The following ZMYM2 variants were observed in gnomAD, a reference collection of about 807,000 sequenced individuals.
The protein encoded by ZMYM2 is zinc finger MYM-type containing 2, also known as zinc finger MYM-type protein 2.
A neutral mutation model predicts 162.8 loss-of-function variants in ZMYM2; 56 were observed. That is an observed-to-expected ratio of 0.34 (90% CI 0.28 to 0.43). The LOEUF (loss-of-function observed/expected upper bound fraction) is 0.43. Among genes scored for constraint, ZMYM2 ranks in the 20% least tolerant of loss-of-function variants. The pLI is 1.00. For synonymous variants in ZMYM2, 510 were observed against 541.6 expected (o/e 0.94, Z 0.81); for missense variants, 1,275 against 1,621.8 (o/e 0.79, Z 3.67).
At chr13:19,868,257 T>C in the ZMYM2 span, among the ~76,000 whole-genome samples, 1 of 152,212 alleles carries the variant, frequency 6.6e-6, no homozygotes, top group Non-Finnish European at 1.5e-5. Flanking sequence ...AAGGGATCAA[T>C]TATTTTACTA....
At chr13:20,059,643 C>G in intron 16 of ZMYM2, 81 bp downstream of exon 16, 1 of 734,544 alleles carries the variant, frequency 1.4e-6, no homozygotes. Flanking sequence ...GACCCTTGAA[C>G]AACAAGAGTT....
chr13:19,949,820 G>A, the ZMYM2 span, among the ~76,000 whole-genome samples: 2 of 148,254 alleles, frequency 1.3e-5, no homozygotes, highest in African/African-American at 2.5e-5. Context: ...CTGGGAGAAC[G>A]AGATTGCAGC....
intron 14 of ZMYM2, among the ~76,000 whole-genome samples, chr13:20,058,033 C>T (rs749609414): frequency 3.9e-5 from 6 of 152,102 alleles, no homozygotes; most frequent in Admixed American, 6.5e-5. Flanking sequence ...GAGACTGCAT[C>T]TGTAGAATAG....
At chr13:19,981,531 T>C (rs1293665153) in intron 2 of ZMYM2, among the ~76,000 whole-genome samples, 1 of 152,170 alleles carries the variant, frequency 6.6e-6, no homozygotes. Flanking sequence ...ACCTGCAATA[T>C]ACCATTTCTC....
At chr13:19,878,930 T>G in the ZMYM2 span, among the ~76,000 whole-genome samples, 1 of 152,208 alleles carries the variant, frequency 6.6e-6, no homozygotes, top group African/African-American at 2.4e-5. Flanking sequence ...TTTTCTCCTA[T>G]TCTGTGGGTT....
chr13:19,907,761 CAAAAAAAAAA>C, the ZMYM2 span, among the ~76,000 whole-genome samples: 1 of 39,102 alleles, frequency 2.6e-5, no homozygotes, highest in African/African-American at 1.3e-4. Context: ...GACTCTGTCT[CAAAAAAAAAA>C]AAAAAAAAAA....
chr13:19,977,775 C>T (rs1344631124), intron 2 of ZMYM2, among the ~76,000 whole-genome samples: 1 of 151,988 alleles, frequency 6.6e-6, no homozygotes, highest in African/African-American at 2.4e-5. Flanking sequence ...CAGTCATGAG[C>T]CACCGCGCCC....
intron 6 of ZMYM2, among the ~76,000 whole-genome samples, chr13:20,017,252 G>C (rs1214203814): frequency 6.6e-6 from 1 of 152,224 alleles, no homozygotes; most frequent in Non-Finnish European, 1.5e-5. Flanking sequence ...AGCCCGGCCA[G>C]GGTGGAAGTC....
At chr13:19,955,321 C>T (rs1316846406), upstream of ZMYM2, among the ~76,000 whole-genome samples, 2 of 152,126 alleles carry the variant, frequency 1.3e-5, no homozygotes, top group Non-Finnish European at 2.9e-5. Flanking sequence ...GTGCAAGGTG[C>T]AAGTTTTATA....
At chr13:19,901,231 A>G in the ZMYM2 span, among the ~76,000 whole-genome samples, 4 of 152,278 alleles carry the variant, frequency 2.6e-5, no homozygotes, top group African/African-American at 9.6e-5. Flanking sequence ...GGTAGACACA[A>G]ACATTCAACC....
chr13:20,057,820 A>G (rs1955921236), intron 14 of ZMYM2, among the ~76,000 whole-genome samples: 1 of 152,234 alleles, frequency 6.6e-6, no homozygotes, highest in Non-Finnish European at 1.5e-5. Context: ...TTCAGTAGTC[A>G]TTGTTTGGGG....
the ZMYM2 span, among the ~76,000 whole-genome samples, chr13:19,948,320 T>C: frequency 6.6e-6 from 1 of 152,222 alleles, no homozygotes; most frequent in Non-Finnish European, 1.5e-5. Flanking sequence ...GAAGCATTAT[T>C]CATAATTGTC....
chr13:19,948,696 A>G, the ZMYM2 span, among the ~76,000 whole-genome samples: 1 of 152,198 alleles, frequency 6.6e-6, no homozygotes, highest in East Asian at 1.9e-4. Context: ...AGTAATAATA[A>G]TGTGTTCATA....
At chr13:19,919,604 A>G in the ZMYM2 span, among the ~76,000 whole-genome samples, 2 of 151,748 alleles carry the variant, frequency 1.3e-5, no homozygotes, top group Non-Finnish European at 2.9e-5. Flanking sequence ...AGTGATGTTG[A>G]ACACTTTTCA....
the ZMYM2 span, among the ~76,000 whole-genome samples, chr13:19,906,306 A>ATATG: frequency 8.2e-6 from 1 of 122,654 alleles, no homozygotes; most frequent in East Asian, 2.2e-4. Context: ...ATATATATAT[A>ATATG]TATATATATA....
At chr13:19,992,689 T>C (rs1436526911) in intron 2 of ZMYM2, among the ~76,000 whole-genome samples, 2 of 152,042 alleles carry the variant, frequency 1.3e-5, no homozygotes, top group Admixed American at 6.6e-5. Context: ...TTTTTTTTTT[T>C]CCTGTTCAGA....
At chr13:20,015,054 C>T (rs2140107491) in intron 6 of ZMYM2, among the ~76,000 whole-genome samples, 1 of 152,098 alleles carries the variant, frequency 6.6e-6, no homozygotes, top group Admixed American at 6.6e-5. Flanking sequence ...AGCCACCGTG[C>T]CTGGACTTAC....
At chr13:20,046,802 G>A (rs1466873909) in intron 12 of ZMYM2, among the ~76,000 whole-genome samples, 2 of 151,408 alleles carry the variant, frequency 1.3e-5, no homozygotes, top group Non-Finnish European at 1.5e-5. Flanking sequence ...TGTAGATGTC[G>A]TGTGTTCCAC....
chr13:20,025,352 G>C (rs1243885680), intron 7 of ZMYM2: 1 of 190,050 alleles, frequency 5.3e-6, no homozygotes. Context: ...CCACTCAGAG[G>C]ATCAAAACAA....
Sources: gnomAD v4.1 joint callset for allele counts (sites outside exome capture counted in the v4.1 genomes callset) on GRCh38, gnomAD v4.1.1 for gene constraint, MANE v1.5 for transcripts, NCBI Gene and HGNC (gene_info 2026-07-23, HGNC 2026-07-21) for gene names.